Variants in HYOU1 observed in about 807,000 individuals in gnomAD.
HYOU1 encodes hypoxia up-regulated 1.
HYOU1 carries 40 observed loss-of-function variants against 120.5 expected under a neutral mutation model. The ratio of observed to expected loss-of-function variants is 0.33; its 90% CI spans 0.26 to 0.43. HYOU1 has a LOEUF of 0.43. Ranked by LOEUF, HYOU1 falls within the 20% of genes least tolerant of loss-of-function variation. HYOU1 has a pLI of 1.00. For synonymous variants in HYOU1, 501 were observed against 479.4 expected (o/e 1.05, Z -0.59); for missense variants, 1,085 against 1,278.3 (o/e 0.85, Z 2.31).
intron 22 of HYOU1, chr11:119,047,390 A>T: frequency 3.6e-6 from 1 of 281,628 alleles, no homozygotes; most frequent in Non-Finnish European, 6.8e-6. Flanking sequence ...GCTCTGGCTC[A>T]AGAGTCCCCA....
chr11:119,057,044 C>A lies in HYOU1; in HGVS notation c.-32G>T, dbSNP rs897491258. 1 of 152,502 alleles carries A rather than the reference C, an allele frequency of 6.6e-6. No individual in the cohort carries two copies. The highest frequency in any genetic ancestry group is 1.5e-5 in the Non-Finnish European group (1 of 68,314). 9.4% of individuals were successfully genotyped at this position (152,502 alleles called of 1,614,324 possible). A position where few individuals can be genotyped will look rare whatever the true frequency, so the allele number is the denominator to read the frequency against. ...CCTCTTGCCTCCGCTCCTGCGGCCC[C>A]AGCTCTGGGACAGACGCGGCACGAA... On this transcript the variant is annotated 5_prime_UTR_variant, in exon 1 of 26. Coordinates refer to ENST00000617285, the MANE Select transcript of HYOU1 (RefSeq NM_006389.5).
In HYOU1 at chr11:119,051,672, C is replaced by T. The variant is rs2133587083; in HGVS notation, c.1339-47G>A. 41 of 1,604,166 alleles carry T rather than the reference C, an allele frequency of 2.6e-5. 1 individual carries two copies. Among genetic ancestry groups the T allele is most frequent in the South Asian group, 1.7e-4 (15 of 90,596 alleles). On this transcript the variant is annotated intron_variant, in intron 12 of 25. Coordinates refer to ENST00000617285, the MANE Select transcript of HYOU1 (RefSeq NM_006389.5). The surrounding 1 kb of genome is among the most constrained non-coding windows in gnomAD (Gnocchi z 4.2). ...GCACACTGTTGCACACTAGAGAACC[C>T]GAGTAGGTTCTGGGGTAAGGATGGG...
At position 119,055,667 on chromosome 11, in the gene HYOU1, G is replaced by A. The variant is rs1944713278; in HGVS notation, c.185+83C>T. The A allele has an allele frequency of 1.3e-6, 2 of 1,492,936 alleles. No homozygotes were observed. Among genetic ancestry groups the A allele is most frequent in the African/African-American group, 1.4e-5 (1 of 72,596 alleles). 92.5% of individuals were successfully genotyped at this position (1,492,936 alleles called of 1,614,324 possible). A position where few individuals can be genotyped will look rare whatever the true frequency, so the allele number is the denominator to read the frequency against. ...TTTAACCACTCAGATGCCGAAGTCTGCTGTGGGCACTATGACTAACACATT... is the reference window on the plus strand; with the variant it reads ...TTTAACCACTCAGATGCCGAAGTCTACTGTGGGCACTATGACTAACACATT... On this transcript the variant is annotated intron_variant, in intron 3 of 25. Transcript: ENST00000617285. This position sits in a 1 kb window ranked among gnomAD's most constrained non-coding sequence, Gnocchi z 4.0.
rs1944379626 is a variant in HYOU1, at chr11:119,050,719, C to CAAAAAAAA, written c.1665+315_1665+316insTTTTTTTT. Among the ~76,000 whole-genome samples, 14 of 52,872 alleles carry CAAAAAAAA rather than the reference C, an allele frequency of 2.6e-4. 4 individuals are homozygous for CAAAAAAAA. Among genetic ancestry groups the CAAAAAAAA allele is most frequent in the Admixed American group, 1.4e-3 (6 of 4,168 alleles). 34.7% of individuals were successfully genotyped at this position (52,872 alleles called of 152,430 possible). A position where few individuals can be genotyped will look rare whatever the true frequency, so the allele number is the denominator to read the frequency against. On this transcript the variant is annotated intron_variant, in intron 14 of 25. Transcript: ENST00000617285. Reference sequence around the variant, plus strand: ...TTAAGTAACAGAGCCAAGACCCTCTCCAAAAAAAAAAAAAAAAAAAAAAAA... The same window carrying CAAAAAAAA: ...TTAAGTAACAGAGCCAAGACCCTCTCAAAAAAAACAAAAAAAAAAAAAAAAAAAAAAAA...
chr11:119,046,324 A>G (rs1944073629), intron 24 of HYOU1, 93 bp downstream of exon 24: 2 of 1,137,318 alleles, frequency 1.8e-6, no homozygotes, highest in Admixed American at 3.8e-5. Context: ...ATTCAAGCTC[A>G]TGGGCTGTCT....
At chr11:119,047,905 T>A in intron 21 of HYOU1, 42 bp downstream of exon 21, 1 of 1,613,846 alleles carries the variant, frequency 6.2e-7, no homozygotes, top group Non-Finnish European at 8.5e-7. Flanking sequence ...TGAAAACCAG[T>A]GGCCTTGGCA....
Position 119,044,441 on chromosome 11 carries a change from T to C in HYOU1, c.*1152A>G, listed in dbSNP as rs1943957557. ...TGTCTTGGAGCTGAGGCAGCAGCCC[T>C]AGCTCCTGCTACAGACGGAATACTG... On this transcript the variant is annotated 3_prime_UTR_variant, in exon 26 of 26. Transcript: ENST00000617285. 2 of 151,916 alleles carry C rather than the reference T, an allele frequency of 1.3e-5. No individual in the cohort carries two copies. Among genetic ancestry groups the C allele is most frequent in the South Asian group, 4.2e-4 (2 of 4,806 alleles). The allele number at this position is 151,916 out of a possible 1,614,324, so 9.4% of individuals were successfully genotyped here. A position where few individuals can be genotyped will look rare whatever the true frequency, so the allele number is the denominator to read the frequency against.
rs1488375563 is a variant in HYOU1 at position 119,045,088 on chromosome 11, A to T, written c.*505T>A. ...GGCTCAGAGCAAGAGAAGCCCGCAG[A>T]GGGAGGAAAGAGCACAGATAGGCAC... is the stretch of plus-strand genomic sequence containing the variant. On this transcript the variant is annotated 3_prime_UTR_variant, in exon 26 of 26. Transcript: ENST00000617285. 1 of 451,124 alleles carries T rather than the reference A, an allele frequency of 2.2e-6. No individual in the cohort carries two copies. The allele number at this position is 451,124 out of a possible 1,614,324, so 27.9% of individuals were successfully genotyped here.
rs2133596793 is a variant in HYOU1, at chr11:119,052,933, G to A, written c.795-104C>T. ...CATGGCACCTTTCCTTCATCTCAGG[G>A]GACCTTGTTCATCTCCAGTGCCCCA... On this transcript the variant is annotated intron_variant, in intron 8 of 25. Transcript: ENST00000617285. The surrounding 1 kb of genome is among the most constrained non-coding windows in gnomAD (Gnocchi z 5.0). 1 of 1,109,320 alleles carries A rather than the reference G, an allele frequency of 9.0e-7. No individual in the cohort carries two copies. Among genetic ancestry groups the A allele is most frequent in the Non-Finnish European group, 1.3e-6 (1 of 789,152 alleles). The allele number at this position is 1,109,320 out of a possible 1,614,324, so 68.7% of individuals were successfully genotyped here. A position where few individuals can be genotyped will look rare whatever the true frequency, so the allele number is the denominator to read the frequency against.
At chr11:119,053,124 G>GA (rs1944546492) in intron 8 of HYOU1, 1 of 353,210 alleles carries the variant, frequency 2.8e-6, no homozygotes, top group African/African-American at 2.1e-5. Context: ...CCCTGCTATG[G>GA]AAAAGTTGAA....
In HYOU1 at chr11:119,052,949, C is replaced by A; in HGVS notation, c.795-120G>T. On this transcript the variant is annotated intron_variant, in intron 8 of 25. Coordinates refer to ENST00000617285, the MANE Select transcript of HYOU1 (RefSeq NM_006389.5). The surrounding 1 kb of genome is among the most constrained non-coding windows in gnomAD (Gnocchi z 5.0). ...CATCTCAGGGGACCTTGTTCATCTC[C>A]AGTGCCCCATGTGTGGACACACACT... 1.1e-6 allele frequency: 1 copy of A among 903,934 alleles called. No homozygotes were observed. The highest frequency in any genetic ancestry group is 1.6e-6 in the Non-Finnish European group (1 of 606,624). The allele number at this position is 903,934 out of a possible 1,614,324, so 56.0% of individuals were successfully genotyped here.
Position 119,047,734 on chromosome 11 carries a change from C to G in HYOU1, c.2595G>C (p.Trp865Cys). 1 of 1,611,340 alleles carries G rather than the reference C, an allele frequency of 6.2e-7. No individual in the cohort carries two copies. The highest frequency in any genetic ancestry group is 8.5e-7 in the Non-Finnish European group (1 of 1,177,524). ...TTLEKVINETWAWKNATLAEQ... is the reference protein window; with the variant it reads ...TTLEKVINETCAWKNATLAEQ... ...GGTTAAGTATTTACGAAGTGATTAC[C>G]CAGGTCTCATTGATGACTTTCTCTA... The change falls in exon 22 of 26, where the codon TGG becomes TGC. Residue 865 changes from tryptophan (W) to cysteine (C), a missense_variant and splice_region_variant. Transcript: ENST00000617285.
chr11:119,051,760 G>A lies in HYOU1; in HGVS notation c.1338+59C>T, dbSNP rs2133587612. On this transcript the variant is annotated intron_variant, in intron 12 of 25. Transcript: ENST00000617285. This position sits in a 1 kb window ranked among gnomAD's most constrained non-coding sequence, Gnocchi z 4.2. The stretch of plus-strand genomic sequence containing the variant: ...GGATGAGCCAGAGCAGACAGAAGGG[G>A]AAACCCTACTTGGGAGAGGTAAAGG... 143 of 1,607,086 alleles carry A rather than the reference G, an allele frequency of 8.9e-5. No individual in the cohort carries two copies. The highest frequency in any genetic ancestry group is 1.2e-4 in the Non-Finnish European group (137 of 1,174,292).
Position 119,045,827 on chromosome 11 carries a change from G to A in HYOU1, c.2892C>T (p.Ser964=), listed in dbSNP as rs2133545256. The change falls in exon 25 of 26, where the codon TCC becomes TCT. Residue 964 remains serine (S), a synonymous_variant. Coordinates refer to ENST00000617285, the MANE Select transcript of HYOU1 (RefSeq NM_006389.5). ...ISEPEKVETG[S]EPGDTEPLEL... ...CCAAAGGCTCAGTGTCTCCTGGCTC[G>A]GATCCTGCTTTGGGAAGAAACAGGT... 79 of 1,612,498 alleles carry A rather than the reference G, an allele frequency of 4.9e-5. No homozygotes were observed. The South Asian group carries it at 5.3e-4, about 11-fold the overall frequency.
intron 22 of HYOU1, chr11:119,047,097 C>T: frequency 3.3e-6 from 1 of 306,246 alleles, no homozygotes; most frequent in Admixed American, 4.7e-5. Context: ...GCTCTGTTGC[C>T]AGGCTGGAGT....
Position 119,051,430 on chromosome 11 carries a change from C to T in HYOU1, c.1526+8G>A. The T allele has an allele frequency of 6.2e-7, 1 of 1,613,684 alleles. No individual in the cohort carries two copies. Among genetic ancestry groups the T allele is most frequent in the Non-Finnish European group, 8.5e-7 (1 of 1,179,718 alleles). ...CTGGAGCTCCCATCCTACACCCCTG[C>T]CCCTCACCGAAGATCTTCAGGCCCC... is the stretch of plus-strand genomic sequence containing the variant. On this transcript the variant is annotated splice_region_variant and intron_variant, in intron 13 of 25. Coordinates refer to ENST00000617285, the MANE Select transcript of HYOU1 (RefSeq NM_006389.5). This position sits in a 1 kb window ranked among gnomAD's most constrained non-coding sequence, Gnocchi z 4.2.
At position 119,046,708 on chromosome 11, in the gene HYOU1, G is replaced by A. The variant is rs2133552727; in HGVS notation, c.2690C>T (p.Ala897Val). ...CAGATACTGCACCTCTCGGTCCAGG[G>A]CCATCATCTTAGCTTCAATGTCTTT... ...LSKDIEAKMM[A>V]LDREVQYLLN... Residue 897 changes from alanine to valine, a missense_variant, in exon 23 of 26, where the codon GCC becomes GTC. By Grantham distance (64) the Ala-to-Val change is moderately conservative. This residue lies in a region of HYOU1 where 516 missense variants were observed against 517.1 expected (regional missense o/e 1.00). Transcript: ENST00000617285. The A allele has an allele frequency of 6.2e-7, 1 of 1,612,912 alleles. No homozygotes were observed. Among genetic ancestry groups the A allele is most frequent in the East Asian group, 2.2e-5 (1 of 44,888 alleles).
chr11:119,046,364 A>G (rs2133549271), intron 24 of HYOU1, 53 bp downstream of exon 24: 46 of 1,570,000 alleles, frequency 2.9e-5, no homozygotes, highest in Non-Finnish European at 3.8e-5. Context: ...CAGTTTGCCT[A>G]CCCCTGGGCT....
At chr11:119,049,248 C>T in intron 16 of HYOU1, 45 bp from the exon 17 acceptor site, 2 of 1,590,000 alleles carry the variant, frequency 1.3e-6, no homozygotes, top group Non-Finnish European at 1.7e-6. Flanking sequence ...AGGAGCAGAG[C>T]CTCCAGGCAG....
Sources: allele counts gnomAD v4.1 joint callset (sites outside exome capture counted in the v4.1 genomes callset), GRCh38; gene constraint gnomAD v4.1.1; regional missense constraint gnomAD v4.1.1; non-coding constraint Gnocchi (gnomAD v3.1); transcripts MANE v1.5; gene names NCBI Gene and HGNC (gene_info 2026-07-23, HGNC 2026-07-21).